Variants in RALGAPA2 observed in about 807,000 individuals in gnomAD.
RALGAPA2 encodes the protein Ral GTPase activating protein catalytic subunit alpha 2.
RALGAPA2 carries 139 observed loss-of-function variants against 230.4 expected under a neutral mutation model. That is an observed-to-expected ratio of 0.60 (90% confidence interval 0.53 to 0.69). The LOEUF (loss-of-function observed/expected upper bound fraction) is 0.69. RALGAPA2 is among the 30% of genes least tolerant of loss of function. The pLI, the probability that RALGAPA2 is intolerant of heterozygous loss-of-function variation, is 0.00. For synonymous variants in RALGAPA2, 847 were observed against 837.8 expected, an observed-to-expected ratio of 1.01 and a Z score of -0.19; for missense variants, 2,163 against 2,276.0, an observed-to-expected ratio of 0.95 and a Z score of 1.01.
intron 36 of RALGAPA2, among the ~76,000 whole-genome samples, chr20:20,492,138 G>T (rs1440678538): frequency 6.6e-6 from 1 of 152,168 alleles, no homozygotes; most frequent in East Asian, 1.9e-4. Context: ...ATGAGGCCGA[G>T]TGAATGAAAG....
chr20:20,696,045 C>A (rs544512129), intron 1 of RALGAPA2, among the ~76,000 whole-genome samples: 24 of 152,214 alleles, frequency 1.6e-4, no homozygotes, highest in African/African-American at 5.5e-4. Flanking sequence ...TTGGGGATAA[C>A]AGCAAGCCCG....
chr20:20,482,342 C>T (rs2061797979), intron 36 of RALGAPA2, among the ~76,000 whole-genome samples: 1 of 152,072 alleles, frequency 6.6e-6, no homozygotes, highest in South Asian at 2.1e-4. Context: ...GGAAAAAAAG[C>T]TTTAGGGTGG....
At chr20:20,407,574 T>C (rs902544414) in intron 38 of RALGAPA2, among the ~76,000 whole-genome samples, 1 of 152,216 alleles carries the variant, frequency 6.6e-6, no homozygotes, top group Admixed American at 6.5e-5. Context: ...GTTTGTGTAG[T>C]GTCTACATCT....
intron 20 of RALGAPA2, among the ~76,000 whole-genome samples, chr20:20,582,404 C>G (rs537780998): frequency 6.6e-6 from 1 of 152,070 alleles, no homozygotes; most frequent in African/African-American, 2.4e-5. Flanking sequence ...GGAAGCCGAC[C>G]CAGAAAGTTT....
chr20:20,640,535 A>C (rs535332888), intron 6 of RALGAPA2, among the ~76,000 whole-genome samples, 166 bp downstream of exon 6: 1 of 152,322 alleles, frequency 6.6e-6, no homozygotes, highest in Admixed American at 6.5e-5. Flanking sequence ...ATAAGCTCCA[A>C]GTCTTTTGAT....
At chr20:20,582,782 A>C (rs2065025537) in intron 20 of RALGAPA2, among the ~76,000 whole-genome samples, 1 of 152,196 alleles carries the variant, frequency 6.6e-6, no homozygotes, top group African/African-American at 2.4e-5. Context: ...TTAATCAATA[A>C]GCTATCTAAA....
Position 20,587,719 on chromosome 20 carries a change from T to G in RALGAPA2, c.2439+1549A>C, listed in dbSNP as rs1003109797. 2.0e-5 allele frequency among the ~76,000 whole-genome samples: 3 copies of G among 152,114 alleles called. No individual in the cohort carries two copies. In the East Asian group the frequency reaches 5.8e-4, roughly 29 times the overall value. ...GAAGGTAAAAATATAAACCATATATTGGAAGAAGATATTTGCTACAAACAT... is the reference window on the plus strand; with the variant it reads ...GAAGGTAAAAATATAAACCATATATGGGAAGAAGATATTTGCTACAAACAT... On this transcript the variant is annotated intron_variant, in intron 18 of 39. Coordinates refer to ENST00000202677, the MANE Select transcript of RALGAPA2 (RefSeq NM_020343.4).
chr20:20,495,082 T>C, intron 36 of RALGAPA2, 35 bp downstream of exon 36: 2 of 1,525,308 alleles, frequency 1.3e-6, no homozygotes, highest in Non-Finnish European at 1.8e-6. Flanking sequence ...GGCAAATGCT[T>C]TATGAGTCAG....
chr20:20,572,918 C>T lies in RALGAPA2; in HGVS notation c.2858G>A (p.Arg953Lys), dbSNP rs374536382. ...NNIQSPKIHARVFCYLYELWY... is the reference protein window; with the variant it reads ...NNIQSPKIHAKVFCYLYELWY... ...GAGTTCATAGAGATAGCAGAAAACT[C>T]TGGCATGGATCTTGGGTGACTGGAT... The change falls in exon 21 of 40, where the codon AGA becomes AAA. Residue 953 changes from arginine to lysine, a missense_variant. By Grantham distance (26) the Arg-to-Lys change is conservative. Transcript: ENST00000202677. The T allele has an allele frequency of 2.4e-5, 37 of 1,566,086 alleles. No homozygotes were observed. Among genetic ancestry groups the T allele is most frequent in the Non-Finnish European group, 3.2e-5 (37 of 1,154,676 alleles).
rs1273832686 is a variant in RALGAPA2 at position 20,693,111 on chromosome 20, A to T, written c.107-12310T>A. The stretch of plus-strand genomic sequence containing the variant: ...TTCCTATAAAGTAAACCAGATGTAG[A>T]ACATCAAATTCTTAGAAATCAGATA... On this transcript the variant is annotated intron_variant, in intron 1 of 39. Transcript: ENST00000202677. Among the ~76,000 whole-genome samples the T allele has an allele frequency of 2.0e-5, 3 of 152,232 alleles. No homozygotes were observed. In the East Asian group the frequency reaches 5.8e-4, roughly 29 times the overall value.
intron 24 of RALGAPA2, among the ~76,000 whole-genome samples, chr20:20,545,314 G>A (rs1346862473): frequency 6.6e-6 from 1 of 151,680 alleles, no homozygotes; most frequent in Non-Finnish European, 1.5e-5. Flanking sequence ...CTCCCACCTT[G>A]GCTTCCTGAG....
Position 20,566,451 on chromosome 20 carries a change from A to C in RALGAPA2, c.3156+5007T>G, listed in dbSNP as rs141147239. Among the ~76,000 whole-genome samples, 159 of 152,318 alleles carry C rather than the reference A, an allele frequency of 1.0e-3. 1 individual carries two copies. The highest frequency in any genetic ancestry group is 3.6e-3 in the African/African-American group (149 of 41,582). On this transcript the variant is annotated intron_variant, in intron 23 of 39. Coordinates refer to ENST00000202677, the MANE Select transcript of RALGAPA2 (RefSeq NM_020343.4). ...CACGTTGTAAAATTCCACAATGCCTAGTTATGTTTTTTAGTCAAATCATTA... is the reference window on the plus strand; with the variant it reads ...CACGTTGTAAAATTCCACAATGCCTCGTTATGTTTTTTAGTCAAATCATTA...
At chr20:20,497,147 C>G (rs1357893495) in intron 35 of RALGAPA2, among the ~76,000 whole-genome samples, 1 of 152,164 alleles carries the variant, frequency 6.6e-6, no homozygotes, top group East Asian at 1.9e-4. Flanking sequence ...AAATACAACC[C>G]TGGGCCTCCT....
intron 23 of RALGAPA2, among the ~76,000 whole-genome samples, chr20:20,551,989 TC>T (rs1365095161): frequency 6.6e-6 from 1 of 152,180 alleles, no homozygotes; most frequent in Non-Finnish European, 1.5e-5. Flanking sequence ...ACAGGCCATT[TC>T]AATTCAAAAT....
chr20:20,596,378 A>C (rs1229933060), intron 16 of RALGAPA2, among the ~76,000 whole-genome samples: 1 of 152,234 alleles, frequency 6.6e-6, no homozygotes, highest in African/African-American at 2.4e-5. Context: ...ATGTAAACAA[A>C]ATTAGCAATC....
intron 13 of RALGAPA2, among the ~76,000 whole-genome samples, chr20:20,612,953 C>T (rs189037616): frequency 1.3e-5 from 2 of 152,164 alleles, no homozygotes; most frequent in African/African-American, 4.8e-5. Context: ...CAACAGACAT[C>T]GTAAGTTTCA....
intron 1 of RALGAPA2, among the ~76,000 whole-genome samples, chr20:20,702,973 G>A (rs1395620676): frequency 6.6e-6 from 1 of 152,176 alleles, no homozygotes; most frequent in Non-Finnish European, 1.5e-5. Context: ...AGGATTTCAA[G>A]ACCAGCATAG....
At chr20:20,534,338 G>A (rs1254694669) in intron 26 of RALGAPA2, among the ~76,000 whole-genome samples, 1 of 151,918 alleles carries the variant, frequency 6.6e-6, no homozygotes, top group African/African-American at 2.4e-5. Flanking sequence ...CCAGCTACTC[G>A]GGAGGCTGAG....
At chr20:20,659,125 A>G (rs2067686669) in intron 3 of RALGAPA2, among the ~76,000 whole-genome samples, 1 of 152,224 alleles carries the variant, frequency 6.6e-6, no homozygotes, top group African/African-American at 2.4e-5. Context: ...CCTTTTGAAT[A>G]ATAAATATGC....
Sources: allele counts gnomAD v4.1 joint callset (sites outside exome capture counted in the v4.1 genomes callset), GRCh38; gene constraint gnomAD v4.1.1; transcripts MANE v1.5; gene names NCBI Gene and HGNC (gene_info 2026-07-23, HGNC 2026-07-21).